HLA-DQA1: variants seen among roughly 807,000 people sequenced by gnomAD.
The protein encoded by HLA-DQA1 is HLA class II histocompatibility antigen, DQ alpha 1 chain.
HLA-DQA1 carries 10 observed loss-of-function variants against 20.7 expected under a neutral mutation model. The ratio of observed to expected loss-of-function variants is 0.48; its 90% CI spans 0.30 to 0.82. HLA-DQA1 has a LOEUF of 0.82. Ranked by LOEUF, HLA-DQA1 falls within the 40% of genes least tolerant of loss-of-function variation. HLA-DQA1 has a pLI of 0.07. For missense variants in HLA-DQA1, 127 were observed against 293.0 expected (o/e 0.43, Z 4.14); for synonymous variants, 39 against 109.2 (o/e 0.36, Z 4.01).
downstream of HLA-DQA1, among the ~76,000 whole-genome samples, chr6:32,649,244 G>A (rs1438788628): frequency 2.1e-5 from 2 of 97,038 alleles, no homozygotes; most frequent in Admixed American, 1.3e-4. Context: ...TCCCCATCAA[G>A]CTACCAGTGA....
the HLA-DQA1 span, among the ~76,000 whole-genome samples, chr6:32,653,023 A>G: frequency 0.37 from 42,452 of 115,426 alleles, 9,198 homozygotes; most frequent in Admixed American, 0.44. Flanking sequence ...TTATAGGTGG[A>G]TTCTTCCTGG....
At chr6:32,653,392 T>TAGCTGGGACTAC in the HLA-DQA1 span, among the ~76,000 whole-genome samples, 2 of 94,112 alleles carry the variant, frequency 2.1e-5, 1 homozygote, top group Middle Eastern at 0.014. Flanking sequence ...GCCACCTGAG[T>TAGCTGGGACTAC]AGCTGGGACT....
intron 1 of HLA-DQA1, among the ~76,000 whole-genome samples, chr6:32,638,440 G>A (rs9272498): frequency 0.22 from 21,120 of 97,574 alleles, 4,551 homozygotes; most frequent in East Asian, 0.33. Flanking sequence ...GGGAGGCCGA[G>A]GCAGGAGGAT....
chr6:32,640,378 TA>T (rs1781281293), intron 1 of HLA-DQA1, among the ~76,000 whole-genome samples: 1 of 95,740 alleles, frequency 1.0e-5, no homozygotes, highest in African/African-American at 3.7e-5. Flanking sequence ...GATACGATGG[TA>T]AAAGGCTTAC....
At chr6:32,653,222 A>G in the HLA-DQA1 span, among the ~76,000 whole-genome samples, 46,993 of 73,362 alleles carry the variant, frequency 0.64, 17,793 homozygotes, top group South Asian at 0.74. Flanking sequence ...CTGAGAATAC[A>G]TATATATTCA....
chr6:32,651,648 A>C (rs1782195713), downstream of HLA-DQA1, among the ~76,000 whole-genome samples: 2 of 89,734 alleles, frequency 2.2e-5, 1 homozygote, highest in African/African-American at 7.6e-5. Context: ...AAAACAGAGA[A>C]TAGACCAAGG....
downstream of HLA-DQA1, among the ~76,000 whole-genome samples, chr6:32,647,961 A>G (rs28394498): frequency 2.0e-5 from 3 of 151,998 alleles, no homozygotes; most frequent in South Asian, 6.2e-4. Context: ...CATATATTAC[A>G]TAATTCCACA....
chr6:32,650,289 C>T (rs1484429137), downstream of HLA-DQA1, among the ~76,000 whole-genome samples: 4 of 96,744 alleles, frequency 4.1e-5, no homozygotes, highest in African/African-American at 1.1e-4. Flanking sequence ...AACAATGTGG[C>T]GATTCCTCAA....
chr6:32,655,265 T>TTATTTTTTTAATTTGTTTC, the HLA-DQA1 span, among the ~76,000 whole-genome samples: 1,958 of 77,682 alleles, frequency 0.025, 49 homozygotes, highest in African/African-American at 0.072. Context: ...TTCTGTTTTT[T>TTATTTTTTTAATTTGTTTC]AAAATCACCT....
chr6:32,640,812 TA>T (rs34713112), intron 1 of HLA-DQA1, among the ~76,000 whole-genome samples: 36 of 93,500 alleles, frequency 3.9e-4, no homozygotes, highest in Admixed American at 5.1e-4. Flanking sequence ...GCTTTTCCTT[TA>T]AAAAAAAAAA....
At chr6:32,641,261 C>G in intron 1 of HLA-DQA1, 49 bp from the exon 2 acceptor site, 1 of 1,130,008 alleles carries the variant, frequency 8.8e-7, no homozygotes, top group Non-Finnish European at 1.3e-6. Context: ...TATTAAGGTT[C>G]TTTCTTCCCC....
Position 32,643,257 on chromosome 6 carries a change from T to A in HLA-DQA1, c.*326T>A, listed in dbSNP as rs1064985. 0.082 allele frequency: 23,346 copies of A among 285,172 alleles called. 3,675 individuals are homozygous for A. Among genetic ancestry groups the A allele is most frequent in the Admixed American group, 0.11 (2,155 of 18,866 alleles). 17.7% of individuals were successfully genotyped at this position (285,172 alleles called of 1,614,324 possible). On this transcript the variant is annotated 3_prime_UTR_variant, in exon 5 of 5. Transcript: ENST00000343139. ...CCAAGGAAGCAATAAATTCCTTTTA[T>A]GAGATCTATGTCAAATTTTTCCATC...
At chr6:32,638,062 A>G (rs1781020371) in intron 1 of HLA-DQA1, among the ~76,000 whole-genome samples, 1 of 132,952 alleles carries the variant, frequency 7.5e-6, no homozygotes, top group African/African-American at 2.8e-5. Context: ...AAAGGAGTCC[A>G]GCAGGCTGAA....
the HLA-DQA1 span, among the ~76,000 whole-genome samples, chr6:32,654,300 A>G: frequency 0.18 from 10,841 of 61,002 alleles, 1,808 homozygotes; most frequent in Middle Eastern, 0.34. Context: ...TGTCTCAAAA[A>G]AAAAAAAGTA....
At chr6:32,639,186 G>T in intron 1 of HLA-DQA1, 1 of 189,882 alleles carries the variant, frequency 5.3e-6, no homozygotes, top group Non-Finnish European at 1.1e-5. Context: ...TAGGCACAAT[G>T]TGGGCAGTGC....
intron 1 of HLA-DQA1, among the ~76,000 whole-genome samples, chr6:32,640,220 A>G (rs765274638): frequency 2.0e-5 from 2 of 98,284 alleles, no homozygotes; most frequent in Non-Finnish European, 4.6e-5. Flanking sequence ...AGAACTTACT[A>G]CAGTACATTG....
In HLA-DQA1 at chr6:32,637,671, T is replaced by C. The variant is rs190198997; in HGVS notation, c.82+131T>C. On this transcript the variant is annotated intron_variant, in intron 1 of 4. Transcript: ENST00000343139. The stretch of plus-strand genomic sequence containing the variant: ...TTTCAGTATTAAGACAATTAAAAAT[T>C]ATAGCTGTTCCTCCTTCAGGAAACC... The C allele has an allele frequency of 6.0e-5, 28 of 464,394 alleles. 3 individuals carry two copies. In the East Asian group the frequency reaches 9.9e-4, roughly 16 times the overall value. 28.8% of individuals were successfully genotyped at this position (464,394 alleles called of 1,614,324 possible). A position where few individuals can be genotyped will look rare whatever the true frequency, so the allele number is the denominator to read the frequency against.
chr6:32,644,844 T>A (rs780110937), downstream of HLA-DQA1: 8 of 134,526 alleles, frequency 5.9e-5, 1 homozygote, highest in Non-Finnish European at 1.0e-4. Flanking sequence ...TCCCTCCTTA[T>A]GGCCCATAAG....
downstream of HLA-DQA1, chr6:32,647,060 A>T (rs951128592): frequency 6.6e-6 from 1 of 151,918 alleles, no homozygotes; most frequent in African/African-American, 2.4e-5. Flanking sequence ...ATAATTATGA[A>T]TGAAATATGA....
Sources: gnomAD v4.1 joint callset for allele counts (sites outside exome capture counted in the v4.1 genomes callset) on GRCh38, gnomAD v4.1.1 for gene constraint, MANE v1.5 for transcripts, NCBI Gene and HGNC (gene_info 2026-07-23, HGNC 2026-07-21) for gene names.